Variants in BPHL observed in about 807,000 individuals in gnomAD.
BPHL encodes serine hydrolase BPHL.
In BPHL, 27 loss-of-function variants were observed where a neutral mutation model predicts 31.2. The ratio of observed to expected loss-of-function variants is 0.87; its 90% CI spans 0.64 to 1.19. BPHL has a LOEUF of 1.19. BPHL is among the 50% of genes most tolerant of loss of function. BPHL has a pLI of 0.00. For missense variants in BPHL, 356 were observed against 375.7 expected (o/e 0.95, Z 0.43); for synonymous variants, 150 against 146.8 (o/e 1.02, Z -0.16).
chr6:3,122,500 T>G (rs1761604087), intron 1 of BPHL, among the ~76,000 whole-genome samples: 1 of 152,064 alleles, frequency 6.6e-6, no homozygotes, highest in Non-Finnish European at 1.5e-5. Context: ...CTGGTATATA[T>G]CCCAGGACAG....
Position 3,119,475 on chromosome 6 carries a change from T to C in BPHL, c.107+628T>C, listed in dbSNP as rs772053324. On this transcript the variant is annotated intron_variant, in intron 1 of 6. Coordinates refer to ENST00000380379, the MANE Select transcript of BPHL (RefSeq NM_004332.4). ...TGTGGAGATGCCCAGGAATCTGCTT[T>C]ATTCTCTTTTGTCCTCCCACCTGTC... The C allele has an allele frequency of 1.9e-6, 3 of 1,614,074 alleles. No individual in the cohort carries two copies. The South Asian group carries it at 3.3e-5, about 18-fold the overall frequency.
intron 4 of BPHL, among the ~76,000 whole-genome samples, chr6:3,132,335 G>A (rs1314487530): frequency 2.6e-5 from 4 of 152,162 alleles, no homozygotes; most frequent in East Asian, 1.9e-4. Flanking sequence ...GTGTTCTCCC[G>A]ACTTCCCTCC....
At chr6:3,150,686 G>C (rs1002419062) in intron 6 of BPHL, among the ~76,000 whole-genome samples, 1 of 152,216 alleles carries the variant, frequency 6.6e-6, no homozygotes, top group African/African-American at 2.4e-5. Context: ...TAGAGCTCCT[G>C]TCTTGCCTTG....
rs1762566886 is a variant in BPHL, at chr6:3,153,027, TTAAAAAAAAATAAAAACA to T, written c.*469_*486del. 6.6e-6 allele frequency: 1 copy of T among 151,886 alleles called. No individual in the cohort carries two copies. The highest frequency in any genetic ancestry group is 1.5e-5 in the Non-Finnish European group (1 of 68,218). The allele number at this position is 151,886 out of a possible 1,614,324, so 9.4% of individuals were successfully genotyped here. A position where few individuals can be genotyped will look rare whatever the true frequency, so the allele number is the denominator to read the frequency against. On this transcript the variant is annotated 3_prime_UTR_variant, in exon 7 of 7. Transcript: ENST00000380379. Reference sequence around the variant, plus strand: ...CTGGGCAACAGAGTAAGACCTTGTCTTAAAAAAAAATAAAAACATAAAAAAAAATAAAAAAGGAATAAA... The same window carrying T: ...CTGGGCAACAGAGTAAGACCTTGTCTTAAAAAAAAATAAAAAAGGAATAAA...
At chr6:3,118,588 G>C (rs1761454813), upstream of BPHL, 2 of 514,538 alleles carry the variant, frequency 3.9e-6, no homozygotes, top group Admixed American at 8.8e-5. Context: ...GCACCCGGCA[G>C]GGCGTGGCTT....
At position 3,152,570 on chromosome 6, in the gene BPHL, C is replaced by A; in HGVS notation, c.871C>A (p.Gln291Lys). 1.2e-6 allele frequency: 2 copies of A among 1,613,124 alleles called. No homozygotes were observed. The highest frequency in any genetic ancestry group is 1.7e-6 in the Non-Finnish European group (2 of 1,179,502). Residue 291 changes from glutamine to lysine, a missense_variant, in exon 7 of 7, where the codon CAA becomes AAA. Physicochemically the swap from Gln to Lys is moderately conservative, Grantham distance 53 (BLOSUM62 1). Coordinates refer to ENST00000380379, the MANE Select transcript of BPHL (RefSeq NM_004332.4). ...EFNKLAEDFLQ is the reference protein window; with the variant it reads ...EFNKLAEDFLK ...CAACAAGTTAGCAGAAGACTTCCTA[C>A]AATGAGAATGCACACTCCAGTCTTG...
intron 6 of BPHL, among the ~76,000 whole-genome samples, chr6:3,144,796 C>T (rs1762280694): frequency 6.6e-6 from 1 of 152,178 alleles, no homozygotes; most frequent in African/African-American, 2.4e-5. Context: ...TGAACATGCT[C>T]AGTGCATGTT....
At chr6:3,150,750 C>T (rs1170201680) in intron 6 of BPHL, among the ~76,000 whole-genome samples, 3 of 152,180 alleles carry the variant, frequency 2.0e-5, no homozygotes, top group Non-Finnish European at 2.9e-5. Flanking sequence ...GAGGAACACA[C>T]AACAGAGTTT....
At chr6:3,134,059 C>T (rs1761942028) in intron 4 of BPHL, among the ~76,000 whole-genome samples, 1 of 152,142 alleles carries the variant, frequency 6.6e-6, no homozygotes, top group South Asian at 2.1e-4. Flanking sequence ...ATTTGCATTT[C>T]GTATTACTAA....
At position 3,152,746 on chromosome 6, in the gene BPHL, G is replaced by A; in HGVS notation, c.*171G>A. 1.8e-6 allele frequency: 1 copy of A among 570,570 alleles called. No homozygotes were observed. Among genetic ancestry groups the A allele is most frequent in the South Asian group, 2.4e-5 (1 of 41,202 alleles). 35.3% of individuals were successfully genotyped at this position (570,570 alleles called of 1,614,324 possible). A position where few individuals can be genotyped will look rare whatever the true frequency, so the allele number is the denominator to read the frequency against. ...TATTGAAAACAGCCTCTAGCTTCAG[G>A]CTGGGCACGGTGGCTCACAGCTATA... On this transcript the variant is annotated 3_prime_UTR_variant, in exon 7 of 7. Coordinates refer to ENST00000380379, the MANE Select transcript of BPHL (RefSeq NM_004332.4).
At chr6:3,138,290 T>G (rs984448666) in intron 5 of BPHL, 6 of 224,338 alleles carry the variant, frequency 2.7e-5, no homozygotes, top group East Asian at 3.1e-4. Flanking sequence ...ATTGCTGGGA[T>G]TACAGGCCTG....
At chr6:3,130,260 A>T (rs1421040669) in intron 4 of BPHL, among the ~76,000 whole-genome samples, 1 of 152,212 alleles carries the variant, frequency 6.6e-6, no homozygotes, top group Non-Finnish European at 1.5e-5. Context: ...TTTACCACCC[A>T]GCATTGCTGC....
rs533219009 is a variant in BPHL at position 3,149,336 on chromosome 6, T to C, written c.789-3152T>C. Among the ~76,000 whole-genome samples, 12 of 144,152 alleles carry C rather than the reference T, an allele frequency of 8.3e-5. No homozygotes were observed. In the East Asian group the frequency reaches 2.0e-3, roughly 24 times the overall value. 94.6% of individuals were successfully genotyped at this position (144,152 alleles called of 152,430 possible). On this transcript the variant is annotated intron_variant, in intron 6 of 6. Coordinates refer to ENST00000380379, the MANE Select transcript of BPHL (RefSeq NM_004332.4). The surrounding 1 kb of genome is among the most constrained non-coding windows in gnomAD (Gnocchi z 4.6). ...CAGTCACAGCAGATTTGGAAAGGCTTTGTCCTCCACACACCACTTAAAAGC... is the reference window on the plus strand; with the variant it reads ...CAGTCACAGCAGATTTGGAAAGGCTCTGTCCTCCACACACCACTTAAAAGC...
intron 4 of BPHL, among the ~76,000 whole-genome samples, chr6:3,135,586 A>G (rs1320137159): frequency 6.6e-6 from 1 of 152,136 alleles, no homozygotes; most frequent in Non-Finnish European, 1.5e-5. Context: ...TCAAATAGGC[A>G]TCTCGTTCAT....
intron 2 of BPHL, 77 bp downstream of exon 2, chr6:3,123,837 C>A: frequency 8.8e-7 from 1 of 1,136,804 alleles, no homozygotes; most frequent in Non-Finnish European, 1.3e-6. Context: ...ATGCCAAATA[C>A]TGATGATTAA....
intron 6 of BPHL, among the ~76,000 whole-genome samples, chr6:3,143,516 G>A (rs889063136): frequency 6.6e-6 from 1 of 152,134 alleles, no homozygotes; most frequent in Non-Finnish European, 1.5e-5. Flanking sequence ...GTTTTTAGTC[G>A]GTTGAAGCCC....
At chr6:3,145,360 T>C (rs1195037856) in intron 6 of BPHL, among the ~76,000 whole-genome samples, 149 of 25,996 alleles carry the variant, frequency 5.7e-3, no homozygotes, top group African/African-American at 0.015. Flanking sequence ...AGTGCTGGTG[T>C]GGGTTGGAGT....
intron 4 of BPHL, among the ~76,000 whole-genome samples, chr6:3,130,370 C>T (rs1224393896): frequency 6.6e-6 from 1 of 152,222 alleles, no homozygotes; most frequent in African/African-American, 2.4e-5. Flanking sequence ...GTTGCTTAGC[C>T]TCCAGCAAGC....
intron 5 of BPHL, chr6:3,139,149 C>T (rs768568166): frequency 1.3e-4 from 20 of 152,066 alleles, no homozygotes; most frequent in Admixed American, 3.3e-4. Context: ...TCTGTGACCT[C>T]GAAAAGCTGT....
Sources: gnomAD v4.1 joint callset for allele counts (sites outside exome capture counted in the v4.1 genomes callset) on GRCh38, gnomAD v4.1.1 for gene constraint, Gnocchi (gnomAD v3.1) non-coding constraint, MANE v1.5 for transcripts, NCBI Gene and HGNC (gene_info 2026-07-23, HGNC 2026-07-21) for gene names.